Variants in STPG2 observed in about 807,000 individuals in gnomAD.
STPG2 encodes sperm tail PG-rich repeat containing 2.
A neutral mutation model predicts 54.2 loss-of-function variants in STPG2; 56 were observed. The observed-to-expected ratio is 1.03, with a 90% CI of 0.83 to 1.29. The LOEUF is 1.29. STPG2 is among the 50% of genes most tolerant of loss of function. The pLI is 0.00. For missense variants in STPG2, 596 were observed against 544.9 expected (o/e 1.09, Z -0.93); for synonymous variants, 200 against 181.8 (o/e 1.10, Z -0.81).
chr4:97,685,191 C>A (rs1001441752), intron 10 of STPG2, among the ~76,000 whole-genome samples: 7 of 152,132 alleles, frequency 4.6e-5, no homozygotes, highest in Non-Finnish European at 7.4e-5. Flanking sequence ...ATAGTCTTAT[C>A]ATATGATGCA....
At chr4:97,791,930 G>A (rs932604190) in intron 9 of STPG2, among the ~76,000 whole-genome samples, 1 of 151,980 alleles carries the variant, frequency 6.6e-6, no homozygotes, top group African/African-American at 2.4e-5. Flanking sequence ...AATTACATTG[G>A]TAGAAGAATG....
chr4:97,498,174 T>C (rs1176900827), intron 4 of STPG2, among the ~76,000 whole-genome samples: 2 of 152,004 alleles, frequency 1.3e-5, no homozygotes, highest in Non-Finnish European at 1.5e-5. Flanking sequence ...GAGTCCACTG[T>C]GGGTCAGGTA....
intron 10 of STPG2, among the ~76,000 whole-genome samples, chr4:97,597,949 G>T (rs75943909): frequency 0.035 from 5,262 of 151,978 alleles, 303 homozygotes; most frequent in African/African-American, 0.12. Flanking sequence ...ACTATCTCTG[G>T]TTGCAGATGA....
intron 8 of STPG2, among the ~76,000 whole-genome samples, chr4:97,907,314 T>A (rs1225678265): frequency 6.7e-6 from 1 of 148,870 alleles, no homozygotes; most frequent in Non-Finnish European, 1.5e-5. Context: ...TTACAAGGGA[T>A]GTGAAGGACC....
At chr4:97,502,979 G>A (rs1470020806) in intron 4 of STPG2, among the ~76,000 whole-genome samples, 1 of 151,764 alleles carries the variant, frequency 6.6e-6, no homozygotes, top group African/African-American at 2.4e-5. Flanking sequence ...ATAAATTTGT[G>A]ATATTTAATT....
intron 8 of STPG2, among the ~76,000 whole-genome samples, chr4:97,852,001 T>C (rs1240978301): frequency 6.6e-6 from 1 of 152,212 alleles, no homozygotes; most frequent in Non-Finnish European, 1.5e-5. Context: ...GTTCTACTTT[T>C]AGTCTAAAAG....
chr4:97,940,117 G>T (rs1732918843), intron 8 of STPG2, among the ~76,000 whole-genome samples: 1 of 151,888 alleles, frequency 6.6e-6, no homozygotes, highest in South Asian at 2.1e-4. Context: ...TAAGAAAGTT[G>T]AATATAGGCC....
chr4:98,094,517 T>C (rs1005373073), intron 5 of STPG2, among the ~76,000 whole-genome samples: 4 of 151,818 alleles, frequency 2.6e-5, no homozygotes, highest in African/African-American at 9.7e-5. Context: ...ACCAGTGGAG[T>C]AGAGCAACAA....
chr4:98,067,802 G>C (rs190321580), intron 5 of STPG2, among the ~76,000 whole-genome samples: 2 of 152,166 alleles, frequency 1.3e-5, no homozygotes, highest in Admixed American at 1.3e-4. Flanking sequence ...ACTTAGTTTT[G>C]GTGGTTGAAG....
intron 5 of STPG2, among the ~76,000 whole-genome samples, chr4:98,046,984 C>A (rs1196685634): frequency 6.6e-6 from 1 of 152,030 alleles, no homozygotes; most frequent in Non-Finnish European, 1.5e-5. Flanking sequence ...ATTAAAGGCC[C>A]GACCCACAGG....
At chr4:97,901,677 C>T (rs998283672) in intron 8 of STPG2, among the ~76,000 whole-genome samples, 36 of 151,570 alleles carry the variant, frequency 2.4e-4, no homozygotes, top group Admixed American at 2.0e-4. Context: ...ATAGAAGATA[C>T]AAATAAATGA....
intron 10 of STPG2, among the ~76,000 whole-genome samples, chr4:97,573,459 A>G (rs1302909959): frequency 6.6e-6 from 1 of 151,996 alleles, no homozygotes; most frequent in African/African-American, 2.4e-5. Context: ...AGAGAAAAGA[A>G]GGAAACATTC....
At chr4:98,088,669 G>C (rs1485329047) in intron 5 of STPG2, among the ~76,000 whole-genome samples, 2 of 94,328 alleles carry the variant, frequency 2.1e-5, no homozygotes, top group Admixed American at 2.5e-4. Context: ...CTCTCCTTTA[G>C]GGGAAAAAAA....
chr4:97,524,232 A>G (rs142317678), intron 4 of STPG2, among the ~76,000 whole-genome samples: 78 of 152,108 alleles, frequency 5.1e-4, no homozygotes, highest in African/African-American at 1.8e-3. Context: ...AATGTGTCCA[A>G]CTTATAATTT....
intron 10 of STPG2, among the ~76,000 whole-genome samples, chr4:97,563,676 C>T (rs1227571914): frequency 6.6e-6 from 1 of 152,106 alleles, no homozygotes; most frequent in Admixed American, 6.6e-5. Flanking sequence ...ATCTTTATTT[C>T]TGCCTTCATT....
chr4:98,132,436 T>A (rs1449552712), intron 2 of STPG2, among the ~76,000 whole-genome samples: 2 of 152,062 alleles, frequency 1.3e-5, no homozygotes, highest in Admixed American at 6.5e-5. Flanking sequence ...ATTTAAAATA[T>A]AAACGTACTG....
intron 9 of STPG2, among the ~76,000 whole-genome samples, chr4:97,735,626 T>A (rs1724958993): frequency 6.7e-6 from 1 of 149,020 alleles, no homozygotes; most frequent in Non-Finnish European, 1.5e-5. Flanking sequence ...TATTCATATA[T>A]ATATACACAC....
At chr4:98,013,459 A>T (rs1735822861) in intron 5 of STPG2, among the ~76,000 whole-genome samples, 1 of 152,102 alleles carries the variant, frequency 6.6e-6, no homozygotes, top group Admixed American at 6.6e-5. Context: ...TGCTAGCCTC[A>T]TAAAACAAGT....
intron 10 of STPG2, among the ~76,000 whole-genome samples, chr4:97,566,845 A>G (rs1419697076): frequency 6.9e-6 from 1 of 145,586 alleles, no homozygotes; most frequent in Non-Finnish European, 1.5e-5. Flanking sequence ...GAACACATGG[A>G]CACAGGAAGG....
Sources: allele counts gnomAD v4.1 joint callset (sites outside exome capture counted in the v4.1 genomes callset), GRCh38; gene constraint gnomAD v4.1.1; transcripts MANE v1.5; gene names NCBI Gene and HGNC (gene_info 2026-07-23, HGNC 2026-07-21).